CRTC1: variants seen among roughly 807,000 people sequenced by gnomAD.
CRTC1 encodes the protein CREB-regulated transcription coactivator 1.
In CRTC1, 18 loss-of-function variants were observed where a neutral mutation model predicts 66.1. That is an observed-to-expected ratio of 0.27 (90% CI 0.19 to 0.40). The LOEUF is 0.40. Ranked by LOEUF, CRTC1 falls within the 10% of genes least tolerant of loss-of-function variation. CRTC1 has a pLI of 1.00. For synonymous variants in CRTC1, 416 were observed against 398.8 expected (o/e 1.04, Z -0.51); for missense variants, 669 against 887.9 (o/e 0.75, Z 3.13).
rs930609428 is a variant in CRTC1 at position 18,741,401 on chromosome 19, G to A, written c.127-1509G>A. 3.9e-5 allele frequency among the ~76,000 whole-genome samples: 6 copies of A among 152,196 alleles called. No homozygotes were observed. Among genetic ancestry groups the A allele is most frequent in the African/African-American group, 1.2e-4 (5 of 41,446 alleles). ...CCGCCTGTAGCACTCACTCTAGGTC[G>A]GGGACACAGGTCCAGGAGGGGTCAC... On this transcript the variant is annotated intron_variant, in intron 1 of 13. Transcript: ENST00000321949. This position sits in a 1 kb window ranked among gnomAD's most constrained non-coding sequence, Gnocchi z 4.2.
At position 18,711,973 on chromosome 19, in the gene CRTC1, G is replaced by C. The variant is rs537838715; in HGVS notation, c.126+28145G>C. Among the ~76,000 whole-genome samples the C allele has an allele frequency of 5.3e-5, 8 of 152,258 alleles. No individual in the cohort carries two copies. The East Asian group carries it at 1.5e-3, about 29-fold the overall frequency. ...AGCCTTTATTTAATTTTTTGAGACA[G>C]GGTCTTGCTCTGTTGCCCAGGCTGG... is the stretch of plus-strand genomic sequence containing the variant. On this transcript the variant is annotated intron_variant, in intron 1 of 13. Transcript: ENST00000321949.
At position 18,778,825 on chromosome 19, in the gene CRTC1, C is replaced by T. The variant is rs1201448423; in HGVS notation, c.*1443C>T. The T allele has an allele frequency of 1.3e-5, 3 of 231,470 alleles. No homozygotes were observed. The highest frequency in any genetic ancestry group is 1.2e-4 in the East Asian group (2 of 16,368). 14.3% of individuals were successfully genotyped at this position (231,470 alleles called of 1,614,324 possible). A position where few individuals can be genotyped will look rare whatever the true frequency, so the allele number is the denominator to read the frequency against. On this transcript the variant is annotated 3_prime_UTR_variant, in exon 14 of 14. Transcript: ENST00000321949. ...CCTGGGTGGAACTGGCATTTCATCCCCTCTCCACCCTACCCTCTGGCTCCT... is the reference window on the plus strand; with the variant it reads ...CCTGGGTGGAACTGGCATTTCATCCTCTCTCCACCCTACCCTCTGGCTCCT...
Position 18,768,820 on chromosome 19 carries a change from G to T in CRTC1, c.1320+27G>T. Reference sequence around the variant, plus strand: ...TAAGCCCAGGGTGGGGTCCCTCGGGGCCTGACTGGGGGTCTTGTAGAGGAC... The same window carrying T: ...TAAGCCCAGGGTGGGGTCCCTCGGGTCCTGACTGGGGGTCTTGTAGAGGAC... On this transcript the variant is annotated intron_variant, in intron 10 of 13. Transcript: ENST00000321949. This position sits in a 1 kb window ranked among gnomAD's most constrained non-coding sequence, Gnocchi z 5.6. 2 of 1,572,480 alleles carry T rather than the reference G, an allele frequency of 1.3e-6. No homozygotes were observed. The highest frequency in any genetic ancestry group is 1.7e-6 in the Non-Finnish European group (2 of 1,160,056).
At chr19:18,693,903 G>A (rs913238022) in intron 1 of CRTC1, among the ~76,000 whole-genome samples, 2 of 152,060 alleles carry the variant, frequency 1.3e-5, no homozygotes, top group African/African-American at 4.8e-5. Context: ...GGAGGCCAAG[G>A]CAGGTGGACC....
chr19:18,722,850 A>G (rs2053658950), intron 1 of CRTC1, among the ~76,000 whole-genome samples: 1 of 152,146 alleles, frequency 6.6e-6, no homozygotes, highest in Non-Finnish European at 1.5e-5. Context: ...CATATCAATG[A>G]AAATCTGACA....
Position 18,779,186 on chromosome 19 carries a change from TC to T in CRTC1, c.*1805del, listed in dbSNP as rs2055055732. The T allele has an allele frequency of 4.3e-6, 1 of 232,350 alleles. No individual in the cohort carries two copies. Among genetic ancestry groups the T allele is most frequent in the Non-Finnish European group, 8.5e-6 (1 of 117,586 alleles). The allele number at this position is 232,350 out of a possible 1,614,324, so 14.4% of individuals were successfully genotyped here. On this transcript the variant is annotated 3_prime_UTR_variant, in exon 14 of 14. Coordinates refer to ENST00000321949, the MANE Select transcript of CRTC1 (RefSeq NM_015321.3). ...CTGCTGAGTCCGTTTATTTGTAGTG[TC>T]ATGGCTGCTGCTTTCACTGGGGTCC... is the stretch of plus-strand genomic sequence containing the variant.
chr19:18,701,163 GC>G (rs2145531563), intron 1 of CRTC1, among the ~76,000 whole-genome samples: 1 of 152,380 alleles, frequency 6.6e-6, no homozygotes, highest in Admixed American at 6.5e-5. Context: ...AGAAGGAGGA[GC>G]CTGAAGGTCC....
chr19:18,765,210 G>A (rs1485537728), intron 8 of CRTC1, among the ~76,000 whole-genome samples, 194 bp from the exon 9 acceptor site: 1 of 152,248 alleles, frequency 6.6e-6, no homozygotes, highest in East Asian at 1.9e-4. Context: ...AACAGACTCT[G>A]CAGGACTGTG....
intron 1 of CRTC1, among the ~76,000 whole-genome samples, chr19:18,694,982 T>C (rs564707860): frequency 1.3e-5 from 2 of 151,992 alleles, no homozygotes; most frequent in South Asian, 4.2e-4. Context: ...GTGATTCTCC[T>C]GCCTCAGCCT....
rs1285690114 is a variant in CRTC1, at chr19:18,741,388, C to G, written c.127-1522C>G. 6.6e-6 allele frequency among the ~76,000 whole-genome samples: 1 copy of G among 152,220 alleles called. No individual in the cohort carries two copies. Among genetic ancestry groups the G allele is most frequent in the Non-Finnish European group, 1.5e-5 (1 of 68,040 alleles). On this transcript the variant is annotated intron_variant, in intron 1 of 13. Transcript: ENST00000321949. The surrounding 1 kb of genome is among the most constrained non-coding windows in gnomAD (Gnocchi z 4.2). ...GTCCCTCTCACACCCGCCTGTAGCA[C>G]TCACTCTAGGTCGGGGACACAGGTC... is the stretch of plus-strand genomic sequence containing the variant.
At chr19:18,767,112 T>G (rs1399246688) in intron 9 of CRTC1, among the ~76,000 whole-genome samples, 1 of 152,150 alleles carries the variant, frequency 6.6e-6, no homozygotes, top group African/African-American at 2.4e-5. Context: ...TTTCTAGAAA[T>G]TTATCCATTT....
chr19:18,725,014 C>A (rs538321094), intron 1 of CRTC1, among the ~76,000 whole-genome samples: 1 of 152,038 alleles, frequency 6.6e-6, no homozygotes, highest in Non-Finnish European at 1.5e-5. Context: ...CACCCAGGAG[C>A]GCTCCTGTTG....
At chr19:18,720,852 G>C (rs1399977053) in intron 1 of CRTC1, among the ~76,000 whole-genome samples, 3 of 71,846 alleles carry the variant, frequency 4.2e-5, no homozygotes, top group Admixed American at 1.4e-4. Context: ...CTATGTGCAC[G>C]CATGCATGGG....
At chr19:18,688,384 G>C (rs2052739883) in intron 1 of CRTC1, among the ~76,000 whole-genome samples, 1 of 152,068 alleles carries the variant, frequency 6.6e-6, no homozygotes, top group African/African-American at 2.4e-5. Context: ...GCAAGAGCTT[G>C]GATCTCCCCT....
At chr19:18,697,658 C>G (rs540493612) in intron 1 of CRTC1, among the ~76,000 whole-genome samples, 1 of 152,314 alleles carries the variant, frequency 6.6e-6, no homozygotes, top group Admixed American at 6.5e-5. Context: ...GTAGGGGTCA[C>G]AGTGGTCTCT....
At chr19:18,689,808 CG>C (rs1438805552) in intron 1 of CRTC1, among the ~76,000 whole-genome samples, 1 of 151,212 alleles carries the variant, frequency 6.6e-6, no homozygotes, top group Non-Finnish European at 1.5e-5. Flanking sequence ...TCTTTGTCCA[CG>C]TTTTTGGGTG....
chr19:18,748,066 G>A (rs1268630413), intron 4 of CRTC1, among the ~76,000 whole-genome samples: 2 of 152,114 alleles, frequency 1.3e-5, no homozygotes, highest in African/African-American at 2.4e-5. Context: ...CACAGAGCGA[G>A]ACCCTGTCTC....
chr19:18,772,783 C>T (rs2240012), intron 11 of CRTC1, among the ~76,000 whole-genome samples: 33,317 of 152,116 alleles, frequency 0.22, 4,494 homozygotes, highest in East Asian at 0.67. Context: ...CTGGTGTCTG[C>T]GCATGCTTGG....
intron 1 of CRTC1, among the ~76,000 whole-genome samples, chr19:18,707,561 A>G (rs1476163177): frequency 1.3e-5 from 2 of 152,180 alleles, no homozygotes; most frequent in Non-Finnish European, 2.9e-5. Flanking sequence ...TTATTTTTCA[A>G]GATTGTCTTG....
Sources: gnomAD v4.1 joint callset for allele counts (sites outside exome capture counted in the v4.1 genomes callset) on GRCh38, gnomAD v4.1.1 for gene constraint, Gnocchi (gnomAD v3.1) non-coding constraint, MANE v1.5 for transcripts, NCBI Gene and HGNC (gene_info 2026-07-23, HGNC 2026-07-21) for gene names.